Variants in GPR37 observed in about 807,000 individuals in gnomAD.
GPR37 encodes the protein G protein-coupled receptor 37, also known as prosaposin receptor GPR37.
A neutral mutation model predicts 43.6 loss-of-function variants in GPR37; 20 were observed. The observed-to-expected ratio is 0.46, with a 90% CI of 0.32 to 0.67. The LOEUF is 0.67. Ranked by LOEUF, GPR37 falls within the 30% of genes least tolerant of loss-of-function variation. The pLI, the probability that GPR37 is intolerant of heterozygous loss-of-function variation, is 0.03. For missense variants in GPR37, 724 were observed against 797.2 expected (o/e 0.91, Z 1.11); for synonymous variants, 315 against 322.6 (o/e 0.98, Z 0.25).
chr7:124,747,488 AGGCATG>A (rs1793687432), intron 1 of GPR37, 145 bp from the exon 2 acceptor site: 1 of 618,918 alleles, frequency 1.6e-6, no homozygotes, highest in Admixed American at 3.1e-5. Flanking sequence ...TTCCAGAATG[AGGCATG>A]GGTAACTGGG....
At chr7:124,751,113 G>C (rs140751969) in intron 1 of GPR37, among the ~76,000 whole-genome samples, 2 of 152,022 alleles carry the variant, frequency 1.3e-5, no homozygotes, top group African/African-American at 4.8e-5. Flanking sequence ...TTCTCTGATA[G>C]TACTCTCTGC....
intron 1 of GPR37, among the ~76,000 whole-genome samples, chr7:124,755,495 T>C (rs1470435382): frequency 6.6e-6 from 1 of 152,172 alleles, no homozygotes; most frequent in Non-Finnish European, 1.5e-5. Context: ...CCTCTTTTCC[T>C]TTATAGTCCT....
Position 124,746,937 on chromosome 7 carries a change from G to A in GPR37, c.1430C>T (p.Thr477Ile). The change falls in exon 2 of 2, where the codon ACC becomes ATC. Residue 477 changes from threonine to isoleucine, a missense_variant. Transcript: ENST00000303921. ...TTGAATCTGCCGTTTATTCCCTCGG[G>A]TACAGGCTTTCTCTGCTTTGCGGAT... Reference protein sequence around the residue: ...RKIRKAEKACTRGNKRQIQLE... With the variant: ...RKIRKAEKACIRGNKRQIQLE... 1.2e-6 allele frequency: 2 copies of A among 1,614,038 alleles called. No homozygotes were observed. Among genetic ancestry groups the A allele is most frequent in the Non-Finnish European group, 1.7e-6 (2 of 1,179,962 alleles).
intron 1 of GPR37, among the ~76,000 whole-genome samples, chr7:124,756,057 T>C (rs533739030): frequency 3.5e-4 from 54 of 152,338 alleles, no homozygotes; most frequent in African/African-American, 1.3e-3. Context: ...ATTGGTAGTC[T>C]GTTAAGGAAA....
intron 1 of GPR37, among the ~76,000 whole-genome samples, chr7:124,757,258 A>G (rs76036102): frequency 0.016 from 2,481 of 152,306 alleles, 68 homozygotes; most frequent in African/African-American, 0.056. Context: ...CTGTTATTAC[A>G]TTGCCAAATA....
intron 1 of GPR37, among the ~76,000 whole-genome samples, chr7:124,749,719 T>G (rs1793711561): frequency 6.6e-6 from 1 of 151,820 alleles, no homozygotes; most frequent in Non-Finnish European, 1.5e-5. Context: ...GGAGACAGTC[T>G]GAAAATGAGG....
chr7:124,756,871 A>T (rs1793797265), intron 1 of GPR37, among the ~76,000 whole-genome samples: 1 of 152,186 alleles, frequency 6.6e-6, no homozygotes, highest in South Asian at 2.1e-4. Flanking sequence ...AAATTGTATC[A>T]AGGTCCATGC....
At position 124,764,702 on chromosome 7, in the gene GPR37, G is replaced by A; in HGVS notation, c.275C>T (p.Pro92Leu). The change falls in exon 1 of 2, where the codon CCG becomes CTG. Residue 92 changes from proline (P) to leucine (L), a missense_variant. Coordinates refer to ENST00000303921, the MANE Select transcript of GPR37 (RefSeq NM_005302.5). The surrounding 1 kb of genome is among the most constrained non-coding windows in gnomAD (Gnocchi z 5.4). ...TCTGCCTGCAGCCGGGTCACGGCCC[G>A]GGGCCGCCGGCAGGTCCCAGGAGGG... ...AGPSWDLPAAPGRDPAAGRGA... is the reference protein window; with the variant it reads ...AGPSWDLPAALGRDPAAGRGA... 1 of 1,597,256 alleles carries A rather than the reference G, an allele frequency of 6.3e-7. No individual in the cohort carries two copies. Among genetic ancestry groups the A allele is most frequent in the Non-Finnish European group, 8.5e-7 (1 of 1,173,662 alleles).
At chr7:124,752,723 T>C (rs1342015550) in intron 1 of GPR37, among the ~76,000 whole-genome samples, 2 of 152,188 alleles carry the variant, frequency 1.3e-5, no homozygotes, top group Non-Finnish European at 2.9e-5. Flanking sequence ...AGAGATATGA[T>C]CCAATTCTTT....
intron 1 of GPR37, among the ~76,000 whole-genome samples, chr7:124,753,259 A>T (rs989191248): frequency 6.6e-6 from 1 of 152,032 alleles, no homozygotes; most frequent in African/African-American, 2.4e-5. Flanking sequence ...AAATAATTTT[A>T]TTATATTCTA....
At chr7:124,754,943 A>G (rs1793775647) in intron 1 of GPR37, among the ~76,000 whole-genome samples, 1 of 152,030 alleles carries the variant, frequency 6.6e-6, no homozygotes, top group Admixed American at 6.6e-5. Flanking sequence ...TACTTTTTTG[A>G]GCACAAGTGG....
rs779265027 is a variant in GPR37, at chr7:124,764,641, A to C, written c.336T>G (p.Pro112=). The change falls in exon 1 of 2, where the codon CCT becomes CCG. Residue 112 remains proline, a synonymous_variant. Transcript: ENST00000303921. The surrounding 1 kb of genome is among the most constrained non-coding windows in gnomAD (Gnocchi z 5.4). The stretch of plus-strand genomic sequence containing the variant: ...TCCAGGGGCCAGGTGGCCTGGTTGG[A>C]GGTCCCGGGGGTCCGGCTGCCGACG... ...AEASAAGPPG[P]PTRPPGPWRW... The C allele has an allele frequency of 5.0e-6, 8 of 1,585,778 alleles. No individual in the cohort carries two copies. Among genetic ancestry groups the C allele is most frequent in the Admixed American group, 1.8e-5 (1 of 57,040 alleles).
chr7:124,752,830 T>C (rs768056965), intron 1 of GPR37, among the ~76,000 whole-genome samples: 1 of 152,168 alleles, frequency 6.6e-6, no homozygotes, highest in Non-Finnish European at 1.5e-5. Context: ...AGTCATGATT[T>C]GTATTTTAAC....
chr7:124,755,052 C>CACTCGATCTGCAGTG (rs1290926096), intron 1 of GPR37, among the ~76,000 whole-genome samples: 2 of 152,100 alleles, frequency 1.3e-5, no homozygotes, highest in African/African-American at 4.8e-5. Flanking sequence ...GATCATGATA[C>CACTCGATCTGCAGTG]TATGGCAGTG....
chr7:124,763,652 A>C (rs1269966799), intron 1 of GPR37, among the ~76,000 whole-genome samples: 1 of 152,080 alleles, frequency 6.6e-6, no homozygotes, highest in African/African-American at 2.4e-5. Flanking sequence ...ACAAGTGCCA[A>C]ATCAGAAATA....
intron 1 of GPR37, among the ~76,000 whole-genome samples, chr7:124,755,619 G>A (rs1793783001): frequency 6.6e-6 from 1 of 152,064 alleles, no homozygotes; most frequent in Admixed American, 6.5e-5. Flanking sequence ...CTATCAATCT[G>A]TCAGGTGTTT....
chr7:124,757,905 C>T (rs928312559), intron 1 of GPR37, among the ~76,000 whole-genome samples: 9 of 151,974 alleles, frequency 5.9e-5, no homozygotes, highest in Non-Finnish European at 1.2e-4. Flanking sequence ...AACAAATGAA[C>T]GAATGATGAC....
intron 1 of GPR37, among the ~76,000 whole-genome samples, chr7:124,755,256 A>G (rs33935352): frequency 0.34 from 51,625 of 151,860 alleles, 9,265 homozygotes; most frequent in East Asian, 0.51. Context: ...CATATAATAA[A>G]TAACCATTTA....
chr7:124,756,906 G>C (rs765631784), intron 1 of GPR37, among the ~76,000 whole-genome samples: 1 of 152,138 alleles, frequency 6.6e-6, no homozygotes, highest in Non-Finnish European at 1.5e-5. Flanking sequence ...AGCAAAGGTA[G>C]ACCCTCACCC....
Sources: gnomAD v4.1 joint callset for allele counts (sites outside exome capture counted in the v4.1 genomes callset) on GRCh38, gnomAD v4.1.1 for gene constraint, Gnocchi (gnomAD v3.1) non-coding constraint, MANE v1.5 for transcripts, NCBI Gene and HGNC (gene_info 2026-07-23, HGNC 2026-07-21) for gene names.